The following SLC39A10 variants were observed in gnomAD, a reference collection of about 807,000 sequenced individuals.
The protein encoded by SLC39A10 is zinc transporter ZIP10.
SLC39A10 carries 13 observed loss-of-function variants against 65.1 expected under a neutral mutation model. That is an observed-to-expected ratio of 0.20 (90% confidence interval 0.13 to 0.32). SLC39A10 has a LOEUF of 0.32. Among genes scored for constraint, SLC39A10 ranks in the 10% least tolerant of loss-of-function variants. The pLI, the probability that SLC39A10 is intolerant of heterozygous loss-of-function variation, is 1.00. For synonymous variants in SLC39A10, 321 were observed against 342.2 expected, an observed-to-expected ratio of 0.94 and a Z score of 0.68; for missense variants, 831 against 1,018.4, an observed-to-expected ratio of 0.82 and a Z score of 2.50.
chr2:195,694,692 AGTTTTGTTTGGCGCTCTG>A (rs1690872975), intron 3 of SLC39A10, among the ~76,000 whole-genome samples: 2 of 152,046 alleles, frequency 1.3e-5, no homozygotes, highest in Admixed American at 1.3e-4. Context: ...CCTTGATTTT[AGTTTTGTTTGGCGCTCTG>A]GTTTTGTGTT....
intron 1 of SLC39A10, among the ~76,000 whole-genome samples, chr2:195,659,972 A>G (rs1689320698): frequency 3.3e-5 from 5 of 152,076 alleles, no homozygotes; most frequent in Admixed American, 3.3e-4. Context: ...ATACTCATGG[A>G]TTTATTTCTA....
chr2:195,735,412 T>C lies in SLC39A10; in HGVS notation c.*371T>C, dbSNP rs1213395077. 6.4e-6 allele frequency: 1 copy of C among 156,458 alleles called. No homozygotes were observed. The highest frequency in any genetic ancestry group is 1.4e-5 in the Non-Finnish European group (1 of 70,864). 9.7% of individuals were successfully genotyped at this position (156,458 alleles called of 1,614,324 possible). On this transcript the variant is annotated 3_prime_UTR_variant, in exon 10 of 10. Transcript: ENST00000359634. ...AAAAATCATTTAAACTTTAAAAATA[T>C]TTTAAATGGACTTTGGGGAGACATT...
At chr2:195,678,128 A>G (rs2105765044) in intron 1 of SLC39A10, among the ~76,000 whole-genome samples, 1 of 152,316 alleles carries the variant, frequency 6.6e-6, no homozygotes, top group South Asian at 2.1e-4. Flanking sequence ...TCTGTTGGGC[A>G]TATACCCCAG....
chr2:195,734,159 TA>T lies in SLC39A10; in HGVS notation c.2338-703del, dbSNP rs35001848. Among the ~76,000 whole-genome samples, 1,132 of 116,546 alleles carry T rather than the reference TA, an allele frequency of 9.7e-3. 32 individuals are homozygous for T. Among genetic ancestry groups the T allele is most frequent in the Admixed American group, 0.069 (759 of 10,996 alleles). 76.5% of individuals were successfully genotyped at this position (116,546 alleles called of 152,430 possible). A position where few individuals can be genotyped will look rare whatever the true frequency, so the allele number is the denominator to read the frequency against. Reference sequence around the variant, plus strand: ...TCCCAAAAGAATCTTCCTTTTTTTTTAAAAAAAAAAAAAAAAAAAAAGTTTT... The same window carrying T: ...TCCCAAAAGAATCTTCCTTTTTTTTTAAAAAAAAAAAAAAAAAAAAGTTTT... On this transcript the variant is annotated intron_variant, in intron 9 of 9. Coordinates refer to ENST00000359634, the MANE Select transcript of SLC39A10 (RefSeq NM_020342.3).
chr2:195,684,186 A>G (rs972196747), intron 3 of SLC39A10, among the ~76,000 whole-genome samples: 4 of 152,028 alleles, frequency 2.6e-5, no homozygotes, highest in African/African-American at 9.7e-5. Flanking sequence ...TAAGTTGATT[A>G]TTTTTGATGA....
At chr2:195,730,201 A>G (rs1473201873) in intron 9 of SLC39A10, among the ~76,000 whole-genome samples, 1 of 151,990 alleles carries the variant, frequency 6.6e-6, no homozygotes, top group Non-Finnish European at 1.5e-5. Context: ...CAAATTAACC[A>G]TTGACCATGG....
intron 8 of SLC39A10, among the ~76,000 whole-genome samples, chr2:195,719,377 G>A (rs569181302): frequency 3.9e-5 from 6 of 152,006 alleles, no homozygotes; most frequent in South Asian, 4.2e-4. Flanking sequence ...ATGTGCTTTC[G>A]CCACATTTTA....
intron 8 of SLC39A10, among the ~76,000 whole-genome samples, chr2:195,726,549 T>C (rs79514005): frequency 0.06 from 9,143 of 152,118 alleles, 483 homozygotes; most frequent in East Asian, 0.22. Flanking sequence ...GTATTTAGGA[T>C]CAGAGGAGAA....
intron 1 of SLC39A10, among the ~76,000 whole-genome samples, chr2:195,678,531 C>T (rs1690179633): frequency 6.8e-6 from 1 of 146,644 alleles, no homozygotes; most frequent in Non-Finnish European, 1.5e-5. Context: ...TGGTAGTCTT[C>T]TCCCAGTCTG....
chr2:195,690,751 A>G (rs1690708868), intron 3 of SLC39A10, among the ~76,000 whole-genome samples: 1 of 152,248 alleles, frequency 6.6e-6, no homozygotes, highest in Middle Eastern at 3.4e-3. Flanking sequence ...GGAGTTCTCT[A>G]TATTCTGAAT....
At chr2:195,629,408 A>AT (rs1688539105) in intron 2 of SLC39A10, among the ~76,000 whole-genome samples, 2 of 151,256 alleles carry the variant, frequency 1.3e-5, no homozygotes. Context: ...AAAAAAAAAA[A>AT]AAGAGTTATC....
intron 2 of SLC39A10, among the ~76,000 whole-genome samples, chr2:195,631,233 A>G (rs775556409): frequency 2.0e-5 from 3 of 151,926 alleles, no homozygotes; most frequent in Middle Eastern, 3.4e-3. Context: ...TATCAGCTTT[A>G]TGACATAGAG....
rs1691829062 is a variant in SLC39A10 at position 195,716,793 on chromosome 2, A to T, written c.1853A>T (p.Glu618Val). ...SHSDGLHTIH[E>V]HDLHAAAHNH... ...AGTGATGGATTACATACCATTCATG[A>T]GCATGATCTCCATGCTGCTGCACAT... Residue 618 changes from glutamate to valine, a missense_variant, in exon 7 of 10, where the codon GAG becomes GTG. This residue lies in a region of SLC39A10 where 230 missense variants were observed against 242.9 expected (regional missense o/e 0.95). Coordinates refer to ENST00000359634, the MANE Select transcript of SLC39A10 (RefSeq NM_020342.3). 1 of 1,614,208 alleles carries T rather than the reference A, an allele frequency of 6.2e-7. No individual in the cohort carries two copies. Among genetic ancestry groups the T allele is most frequent in the Non-Finnish European group, 8.5e-7 (1 of 1,180,032 alleles).
chr2:195,706,776 A>T lies in SLC39A10; in HGVS notation c.1377A>T (p.Leu459=), dbSNP rs763157095. 6.5e-7 allele frequency: 1 copy of T among 1,532,728 alleles called. No individual in the cohort carries two copies. The highest frequency in any genetic ancestry group is 1.3e-5 in the South Asian group (1 of 77,908). 94.9% of individuals were successfully genotyped at this position (1,532,728 alleles called of 1,614,324 possible). ...GTMSGDALLH[L]LPHSQGGHDH... ...TGAGTGGAGACGCCCTTCTTCATCT[A>T]CTGCCCCATGTAAGAAATGTTTTTA... The change falls in exon 4 of 10, where the codon CTA becomes CTT. Residue 459 remains leucine, a synonymous_variant. Transcript: ENST00000359634.
chr2:195,617,528 C>T (rs536611457), intron 2 of SLC39A10, among the ~76,000 whole-genome samples: 1 of 151,726 alleles, frequency 6.6e-6, no homozygotes, highest in African/African-American at 2.4e-5. Flanking sequence ...TGCCACTGTA[C>T]TCCAGCCTGG....
At chr2:195,639,844 C>T (rs967728432) in intron 2 of SLC39A10, among the ~76,000 whole-genome samples, 1 of 152,204 alleles carries the variant, frequency 6.6e-6, no homozygotes, top group Non-Finnish European at 1.5e-5. Flanking sequence ...GGATTACAGG[C>T]ATAAGCCACA....
At chr2:195,715,877 G>GT (rs1471636598) in intron 6 of SLC39A10, among the ~76,000 whole-genome samples, 1 of 152,198 alleles carries the variant, frequency 6.6e-6, no homozygotes, top group East Asian at 1.9e-4. Context: ...TATGAAAACA[G>GT]TTTAACTGGG....
chr2:195,713,877 A>C (rs182243368), intron 6 of SLC39A10, among the ~76,000 whole-genome samples: 19 of 152,296 alleles, frequency 1.2e-4, no homozygotes, highest in Admixed American at 7.2e-4. Flanking sequence ...AGAATTACAC[A>C]AGAAAAAGTA....
At position 195,737,664 on chromosome 2, in the gene SLC39A10, G is replaced by C. The variant is rs1692708210; in HGVS notation, c.*2623G>C. 2 of 345,934 alleles carry C rather than the reference G, an allele frequency of 5.8e-6. No homozygotes were observed. Among genetic ancestry groups the C allele is most frequent in the South Asian group, 8.1e-5 (2 of 24,588 alleles). The allele number at this position is 345,934 out of a possible 1,614,324, so 21.4% of individuals were successfully genotyped here. ...TTTATGTATGTTCCTAATGCTTATGGAACTCCTCCAAAATAAAGTTACTCA... is the reference window on the plus strand; with the variant it reads ...TTTATGTATGTTCCTAATGCTTATGCAACTCCTCCAAAATAAAGTTACTCA... On this transcript the variant is annotated 3_prime_UTR_variant, in exon 10 of 10. Coordinates refer to ENST00000359634, the MANE Select transcript of SLC39A10 (RefSeq NM_020342.3).
Sources: allele counts gnomAD v4.1 joint callset (sites outside exome capture counted in the v4.1 genomes callset), GRCh38; gene constraint gnomAD v4.1.1; regional missense constraint gnomAD v4.1.1; transcripts MANE v1.5; gene names NCBI Gene and HGNC (gene_info 2026-07-23, HGNC 2026-07-21).